WDFY2: variants seen among roughly 807,000 people sequenced by gnomAD.
WDFY2 encodes WD repeat and FYVE domain containing 2.
In WDFY2, 36 loss-of-function variants were observed where a neutral mutation model predicts 56.4. The observed-to-expected ratio is 0.64, with a 90% confidence interval of 0.49 to 0.84. WDFY2 has a LOEUF of 0.84. Ranked by LOEUF, WDFY2 falls within the 40% of genes least tolerant of loss-of-function variation. The probability of loss-of-function intolerance (pLI) is 0.00; values close to 1 mark genes in which losing one functional copy is unlikely to be tolerated. For synonymous variants in WDFY2, 176 were observed against 183.7 expected (o/e 0.96, Z 0.34); for missense variants, 444 against 512.2 (o/e 0.87, Z 1.29).
intron 2 of WDFY2, among the ~76,000 whole-genome samples, chr13:51,669,902 A>G (rs746847285): frequency 9.2e-5 from 14 of 152,186 alleles, no homozygotes; most frequent in Non-Finnish European, 1.5e-4. Context: ...GTATCATGCT[A>G]TATTTATTTC....
chr13:51,715,203 CAAT>C (rs1289324092), intron 4 of WDFY2, among the ~76,000 whole-genome samples: 1 of 152,002 alleles, frequency 6.6e-6, no homozygotes, highest in Non-Finnish European at 1.5e-5. Flanking sequence ...AATATTTTTT[CAAT>C]AATAAACCTA....
At chr13:51,692,770 T>C (rs2138550527) in intron 3 of WDFY2, among the ~76,000 whole-genome samples, 1 of 152,360 alleles carries the variant, frequency 6.6e-6, no homozygotes, top group African/African-American at 2.4e-5. Context: ...GAAGGAGTGG[T>C]ACCAGTTCCT....
chr13:51,723,992 T>C (rs567506169), intron 5 of WDFY2, among the ~76,000 whole-genome samples: 15 of 152,308 alleles, frequency 9.8e-5, no homozygotes, highest in African/African-American at 3.6e-4. Flanking sequence ...TAAATTCTTA[T>C]ATCTGTCTTT....
At chr13:51,601,871 C>T (rs1299412961) in intron 1 of WDFY2, among the ~76,000 whole-genome samples, 2 of 152,186 alleles carry the variant, frequency 1.3e-5, no homozygotes, top group South Asian at 2.1e-4. Context: ...TCACAACAGG[C>T]TGAACTTGTT....
chr13:51,752,877 CT>C (rs1953268196), intron 8 of WDFY2: 1 of 152,146 alleles, frequency 6.6e-6, no homozygotes, highest in African/African-American at 2.4e-5. Context: ...TGTGGAGCTG[CT>C]TCGTGGTTAT....
In WDFY2 at chr13:51,632,549, T is replaced by C. The variant is rs189572287; in HGVS notation, c.138-28047T>C. Among the ~76,000 whole-genome samples, 756 of 152,316 alleles carry C rather than the reference T, an allele frequency of 5.0e-3. 5 individuals carry two copies. Among genetic ancestry groups the C allele is most frequent in the African/African-American group, 0.014 (593 of 41,582 alleles). Reference sequence around the variant, plus strand: ...TCTTTCAGGTTCCCGTTTGGTTTTATGCAGGAGCCAGTCTGCATTTCAGTG... The same window carrying C: ...TCTTTCAGGTTCCCGTTTGGTTTTACGCAGGAGCCAGTCTGCATTTCAGTG... On this transcript the variant is annotated intron_variant, in intron 1 of 11. Coordinates refer to ENST00000298125, the MANE Select transcript of WDFY2 (RefSeq NM_052950.4).
chr13:51,653,521 A>G (rs972058986), intron 1 of WDFY2, among the ~76,000 whole-genome samples: 4 of 151,996 alleles, frequency 2.6e-5, no homozygotes, highest in African/African-American at 9.7e-5. Context: ...TTTTTTCCCC[A>G]TCTTTGTGGT....
chr13:51,629,895 G>A (rs1174434039), intron 1 of WDFY2, among the ~76,000 whole-genome samples: 4 of 140,320 alleles, frequency 2.9e-5, no homozygotes, highest in African/African-American at 8.0e-5. Flanking sequence ...AACAGTATGT[G>A]AAGCAGGAGG....
chr13:51,629,826 C>CTTTTTTTTTTTTTTTTTTTTTTTTGT (rs11432630), intron 1 of WDFY2, among the ~76,000 whole-genome samples: 1 of 125,142 alleles, frequency 8.0e-6, no homozygotes, highest in Non-Finnish European at 1.6e-5. Flanking sequence ...TCTTTCTTTT[C>CTTTTTTTTTTTTTTTTTTTTTTTTGT]TTTTTTTTTT....
intron 1 of WDFY2, chr13:51,589,905 T>C (rs989282850): frequency 1.3e-5 from 2 of 152,190 alleles, no homozygotes; most frequent in African/African-American, 4.8e-5. Context: ...TTACTCCGAA[T>C]TCAAAACATG....
chr13:51,668,741 G>A (rs1955757256), intron 2 of WDFY2, among the ~76,000 whole-genome samples: 1 of 152,146 alleles, frequency 6.6e-6, no homozygotes, highest in South Asian at 2.1e-4. Context: ...TTGTTATTTA[G>A]TTTTAAAGTT....
At chr13:51,584,849 C>T (rs765511695) in intron 1 of WDFY2, 25 bp downstream of exon 1, 19 of 1,611,056 alleles carry the variant, frequency 1.2e-5, no homozygotes, top group African/African-American at 8.0e-5. Context: ...CATTCGGCCG[C>T]GAGGAGGGGC....
At chr13:51,689,919 G>A (rs1483863828) in intron 3 of WDFY2, among the ~76,000 whole-genome samples, 1 of 152,096 alleles carries the variant, frequency 6.6e-6, no homozygotes, top group Non-Finnish European at 1.5e-5. Context: ...ATAATACTAA[G>A]ATGTTACTTG....
At chr13:51,642,839 C>T (rs982326816) in intron 1 of WDFY2, among the ~76,000 whole-genome samples, 8 of 152,112 alleles carry the variant, frequency 5.3e-5, no homozygotes, top group Admixed American at 5.2e-4. Flanking sequence ...CACCACCATA[C>T]CCAGCTAATT....
intron 1 of WDFY2, among the ~76,000 whole-genome samples, chr13:51,629,116 G>C (rs1010777192): frequency 7.2e-5 from 11 of 152,190 alleles, no homozygotes; most frequent in East Asian, 3.9e-4. Flanking sequence ...GAAACTAAGG[G>C]ATAAGTGATA....
chr13:51,649,335 C>A (rs148318576), intron 1 of WDFY2, among the ~76,000 whole-genome samples: 1 of 151,408 alleles, frequency 6.6e-6, no homozygotes, highest in African/African-American at 2.4e-5. Context: ...ATGGACTGTG[C>A]GGTGCATTTG....
chr13:51,737,551 TAAAAAAAAAAAAAAAAAAA>T (rs67418551), intron 6 of WDFY2, among the ~76,000 whole-genome samples: 17 of 53,248 alleles, frequency 3.2e-4, no homozygotes, highest in African/African-American at 1.4e-3. Context: ...ACAATGAATT[TAAAAAAAAAAAAAAAAAAA>T]AAAAAAAAAA....
intron 6 of WDFY2, among the ~76,000 whole-genome samples, chr13:51,734,229 C>T: frequency 6.6e-6 from 1 of 150,472 alleles, no homozygotes; most frequent in East Asian, 1.9e-4. Context: ...GTAAAAGTCT[C>T]AAAAAAAAAT....
intron 4 of WDFY2, among the ~76,000 whole-genome samples, chr13:51,705,921 G>A (rs1002135321): frequency 1.3e-5 from 2 of 151,946 alleles, no homozygotes; most frequent in Non-Finnish European, 2.9e-5. Flanking sequence ...AGAAATCCCA[G>A]TTGTCATTAA....
Sources: allele counts gnomAD v4.1 joint callset (sites outside exome capture counted in the v4.1 genomes callset), GRCh38; gene constraint gnomAD v4.1.1; transcripts MANE v1.5; gene names NCBI Gene and HGNC (gene_info 2026-07-23, HGNC 2026-07-21).